MMP7: variants seen among roughly 807,000 people sequenced by gnomAD.
The protein encoded by MMP7 is matrix metallopeptidase 7, also known as matrilysin.
In MMP7, 26 loss-of-function variants were observed where a neutral mutation model predicts 31.5. The ratio of observed to expected loss-of-function variants is 0.83; its 90% confidence interval spans 0.61 to 1.15. MMP7 has a LOEUF of 1.15. Among genes scored for constraint, MMP7 ranks in the 50% most tolerant of loss-of-function variants. The pLI is 0.00. For synonymous variants in MMP7, 142 were observed against 124.2 expected, an observed-to-expected ratio of 1.14 and a Z score of -0.95; for missense variants, 367 against 326.5, an observed-to-expected ratio of 1.12 and a Z score of -0.96.
chr11:102,529,875 G>A (rs907087132), intron 1 of MMP7, among the ~76,000 whole-genome samples: 5 of 152,094 alleles, frequency 3.3e-5, no homozygotes, highest in African/African-American at 1.2e-4. Context: ...TAGAACTAAG[G>A]ATTAAATGAC....
At position 102,527,568 on chromosome 11, in the gene MMP7, A is replaced by G. The variant is rs1858686031; in HGVS notation, c.440T>C (p.Val147Ala). Residue 147 changes from valine (V) to alanine (A), a missense_variant, in exon 3 of 6, where the codon GTT (valine) becomes GCT (alanine). Transcript: ENST00000260227. ...GKEIPLHFRK[V>A]VWGTADIMIG... ...CATGATGTCAGCAGTTCCCCATACAACTTTCCTGAAATGCAGGGGGATCTC... is the reference window on the plus strand; with the variant it reads ...CATGATGTCAGCAGTTCCCCATACAGCTTTCCTGAAATGCAGGGGGATCTC... 6 of 1,614,146 alleles carry G rather than the reference A, an allele frequency of 3.7e-6. No individual in the cohort carries two copies. Among genetic ancestry groups the G allele is most frequent in the South Asian group, 1.1e-5 (1 of 91,082 alleles).
chr11:102,527,124 C>T (rs762473466), intron 3 of MMP7: 16 of 240,690 alleles, frequency 6.6e-5, no homozygotes, highest in East Asian at 1.1e-4. Flanking sequence ...TAATAATTCA[C>T]GTTACAAAAC....
In MMP7 at chr11:102,520,717, T is replaced by C; in HGVS notation, c.*59A>G. The C allele has an allele frequency of 1.5e-6, 2 of 1,371,980 alleles. No homozygotes were observed. The highest frequency in any genetic ancestry group is 2.0e-6 in the Non-Finnish European group (2 of 987,906). The allele number at this position is 1,371,980 out of a possible 1,614,324, so 85.0% of individuals were successfully genotyped here. On this transcript the variant is annotated 3_prime_UTR_variant, in exon 6 of 6. Coordinates refer to ENST00000260227, the MANE Select transcript of MMP7 (RefSeq NM_002423.5). ...GAGGAACAGTGCTTATCAATTCTGA[T>C]TGTGCAACAATGATATACAATCCAA... is the stretch of plus-strand genomic sequence containing the variant.
intron 3 of MMP7, 127 bp from the exon 4 acceptor site, chr11:102,525,191 AC>A (rs2135904167): frequency 8.4e-7 from 1 of 1,195,100 alleles, no homozygotes; most frequent in South Asian, 1.7e-5. Flanking sequence ...ATGGTGGCTC[AC>A]TTTGCGAGGC....
chr11:102,525,100 A>T, intron 3 of MMP7, 36 bp from the exon 4 acceptor site: 1 of 1,487,206 alleles, frequency 6.7e-7, no homozygotes, highest in Non-Finnish European at 9.1e-7. Context: ...TTAGTGACTG[A>T]TTTTTTTTTT....
Position 102,530,655 on chromosome 11 carries a change from G to T in MMP7, c.46C>A (p.Leu16Met), listed in dbSNP as rs780442552. 1.2e-6 allele frequency: 2 copies of T among 1,613,978 alleles called. No homozygotes were observed. The highest frequency in any genetic ancestry group is 8.5e-7 in the Non-Finnish European group (1 of 1,179,964). ...GCCTCCTGAGGCAGCGGCAGGGCCA[G>T]GCTGCCAGGCAGCAGGCACACAGCA... ...LCAVCLLPGSLALPLPQEAGG... is the reference protein window; with the variant it reads ...LCAVCLLPGSMALPLPQEAGG... Residue 16 changes from leucine (L) to methionine (M), a missense_variant, in exon 1 of 6, where the codon CTG becomes ATG. Coordinates refer to ENST00000260227, the MANE Select transcript of MMP7 (RefSeq NM_002423.5).
intron 5 of MMP7, 146 bp downstream of exon 5, chr11:102,523,094 G>A: frequency 1.9e-6 from 1 of 538,072 alleles, no homozygotes; most frequent in Non-Finnish European, 3.2e-6. Context: ...AAGTATCTAA[G>A]GTCCCCAATT....
In MMP7 at chr11:102,523,410, G is replaced by A. The variant is rs367565108; in HGVS notation, c.614-9C>T. ...ATACAGGAAGTTAATCCCTACAACC[G>A]AAGAAGTGACAAACAGTAATGATAA... On this transcript the variant is annotated splice_polypyrimidine_tract_variant and intron_variant, in intron 4 of 5. Transcript: ENST00000260227. The A allele has an allele frequency of 1.9e-6, 3 of 1,567,806 alleles. No individual in the cohort carries two copies. Among genetic ancestry groups the A allele is most frequent in the East Asian group, 2.2e-5 (1 of 44,504 alleles).
chr11:102,530,564 G>A, intron 1 of MMP7, 29 bp downstream of exon 1: 1 of 1,551,184 alleles, frequency 6.4e-7, no homozygotes, highest in East Asian at 2.2e-5. Flanking sequence ...CAAAAGAATG[G>A]AACCCTAAGT....
intron 5 of MMP7, among the ~76,000 whole-genome samples, chr11:102,521,145 A>T (rs1858608594): frequency 6.6e-6 from 1 of 152,198 alleles, no homozygotes; most frequent in South Asian, 2.1e-4. Flanking sequence ...GAATTAAATG[A>T]GTTAATCCAT....
chr11:102,528,389 T>C (rs1858697486), intron 1 of MMP7, among the ~76,000 whole-genome samples: 1 of 152,174 alleles, frequency 6.6e-6, no homozygotes, highest in Admixed American at 6.5e-5. Flanking sequence ...ACCAGCCCTA[T>C]CTAAAGTCCA....
chr11:102,520,886 G>T, intron 5 of MMP7, 82 bp from the exon 6 acceptor site: 2 of 892,670 alleles, frequency 2.2e-6, no homozygotes, highest in Non-Finnish European at 1.7e-6. Context: ...CAAAGGAAAT[G>T]TCACAGAAAG....
At chr11:102,520,940 A>G (rs1858606655) in intron 5 of MMP7, 136 bp from the exon 6 acceptor site, 6 of 598,686 alleles carry the variant, frequency 1.0e-5, no homozygotes, top group Middle Eastern at 4.7e-4. Flanking sequence ...CCCTGGGACA[A>G]AGATTCTGAA....
intron 3 of MMP7, among the ~76,000 whole-genome samples, chr11:102,526,243 T>A (rs796660214): frequency 0.13 from 17,795 of 134,292 alleles, 1,494 homozygotes; most frequent in East Asian, 0.24. Flanking sequence ...TATATATATT[T>A]TTTTTTTTTC....
At position 102,527,654 on chromosome 11, in the gene MMP7, T is replaced by A. The variant is rs769382376; in HGVS notation, c.354A>T (p.Arg118=). Residue 118 remains arginine, a synonymous_variant, in exon 3 of 6, where the codon CGA becomes CGT. Coordinates refer to ENST00000260227, the MANE Select transcript of MMP7 (RefSeq NM_002423.5). ...VVTYRIVSYT[R]DLPHITVDRL... is the part of the protein sequence containing the mutation. ...GATCCACTGTAATATGCGGTAAGTC[T>A]CGAGTATATGATACGATCCTAGTAG... 1.2e-6 allele frequency: 2 copies of A among 1,614,162 alleles called. No individual in the cohort carries two copies. The highest frequency in any genetic ancestry group is 4.5e-5 in the East Asian group (2 of 44,886).
intron 4 of MMP7, chr11:102,524,606 T>C (rs1858647517): frequency 6.1e-6 from 1 of 164,418 alleles, no homozygotes; most frequent in African/African-American, 2.4e-5. Context: ...ATTTAAAGAC[T>C]CCTTGATGTG....
rs139597683 is a variant in MMP7 at position 102,527,867 on chromosome 11, G to A, written c.225C>T (p.Asn75=). The A allele has an allele frequency of 1.9e-6, 3 of 1,614,010 alleles. No individual in the cohort carries two copies. The highest frequency in any genetic ancestry group is 1.1e-5 in the South Asian group (1 of 91,074). The change falls in exon 2 of 6, where the codon AAC becomes AAT. Residue 75 remains asparagine, a synonymous_variant. Transcript: ENST00000260227. ...TCTGCATTATTTCTATGACGCGGGA[G>A]TTTAACATTCCAGTTATAGGTAGGC... The part of the protein sequence containing the change: ...FFGLPITGML[N]SRVIEIMQKP...
chr11:102,528,120 GA>G (rs1229184785), intron 1 of MMP7, 137 bp from the exon 2 acceptor site: 10 of 691,980 alleles, frequency 1.4e-5, no homozygotes, highest in Non-Finnish European at 1.9e-5. Flanking sequence ...TAGTCACAGA[GA>G]AAAATAAGTG....
rs766978616 is a variant in MMP7, at chr11:102,525,023, G to T, written c.526C>A (p.Leu176Met). Residue 176 changes from leucine (L) to methionine (M), a missense_variant, in exon 4 of 6, where the codon CTG becomes ATG. By Grantham distance (15) the Leu-to-Met change is conservative. Transcript: ENST00000260227. ...GTCCCAGGCGCAAAGGCATGAGCCA[G>T]CGTGTTTCCTGGCCCATCAAATGGG... ...SYPFDGPGNTLAHAFAPGTGL... is the reference protein window; with the variant it reads ...SYPFDGPGNTMAHAFAPGTGL... 3.1e-6 allele frequency: 5 copies of T among 1,613,676 alleles called. No homozygotes were observed. In the African/African-American group the frequency reaches 6.7e-5, roughly 22 times the overall value.
Sources: gnomAD v4.1 joint callset for allele counts (sites outside exome capture counted in the v4.1 genomes callset) on GRCh38, gnomAD v4.1.1 for gene constraint, MANE v1.5 for transcripts, NCBI Gene and HGNC (gene_info 2026-07-23, HGNC 2026-07-21) for gene names.